The following SHROOM3 variants were observed in gnomAD, a reference collection of about 807,000 sequenced individuals.
SHROOM3 encodes the protein shroom family member 3.
A neutral mutation model predicts 138.6 loss-of-function variants in SHROOM3; 47 were observed. That is an observed-to-expected ratio of 0.34 (90% CI 0.27 to 0.43). The LOEUF (loss-of-function observed/expected upper bound fraction) is 0.43, where lower values mean the gene tolerates loss of function less well. Ranked by LOEUF, SHROOM3 falls within the 20% of genes least tolerant of loss-of-function variation. The pLI is 1.00. For missense variants in SHROOM3, 2,491 were observed against 2,596.5 expected (o/e 0.96, Z 0.88); for synonymous variants, 1,062 against 1,063.3 (o/e 1.00, Z 0.02).
In SHROOM3 at chr4:76,575,782, G is replaced by A. The variant is rs57799361; in HGVS notation, c.323+20019G>A. Among the ~76,000 whole-genome samples the A allele has an allele frequency of 4.2e-3, 638 of 152,182 alleles. 9 individuals are homozygous for A. The highest frequency in any genetic ancestry group is 0.015 in the African/African-American group (608 of 41,544). On this transcript the variant is annotated intron_variant, in intron 2 of 10. Transcript: ENST00000296043. ...ATATAATACACTGATGAAAGGAGTT[G>A]AAGAAGATACAAAAAATGGAAAGAT...
chr4:76,603,279 G>A (rs1164304186), intron 2 of SHROOM3, among the ~76,000 whole-genome samples: 2 of 152,114 alleles, frequency 1.3e-5, no homozygotes, highest in Non-Finnish European at 2.9e-5. Context: ...TTAGCTGGGT[G>A]TGGTCGCACG....
rs61741133 is a variant in SHROOM3, at chr4:76,756,863, C to T, written c.5124C>T (p.Asn1708=). The change falls in exon 8 of 11, where the codon AAC becomes AAT. Residue 1708 remains asparagine, a synonymous_variant. Coordinates refer to ENST00000296043, the MANE Select transcript of SHROOM3 (RefSeq NM_020859.4). ...AAGGTTTGTTTCCCCGAGATGTGAA[C>T]TTGCTGAAGGAAAACAGTGTAAAGA... The part of the protein sequence containing the change: ...LMEGLFPRDV[N]LLKENSVKRK... 660 of 1,614,116 alleles carry T rather than the reference C, an allele frequency of 4.1e-4. 2 individuals are homozygous for T. The African/African-American group carries it at 8.3e-3, about 20-fold the overall frequency.
chr4:76,512,363 C>CT (rs887989821), intron 1 of SHROOM3, among the ~76,000 whole-genome samples: 23 of 151,128 alleles, frequency 1.5e-4, no homozygotes, highest in East Asian at 3.9e-4. Flanking sequence ...TAAACAGAGC[C>CT]TTTTTTTTTC....
chr4:76,627,504 A>T (rs559330790), intron 2 of SHROOM3, among the ~76,000 whole-genome samples: 3 of 152,162 alleles, frequency 2.0e-5, no homozygotes, highest in African/African-American at 7.2e-5. Context: ...TATATTCTGT[A>T]CATGATGGTG....
intron 4 of SHROOM3, among the ~76,000 whole-genome samples, chr4:76,732,319 G>C (rs1034972615): frequency 6.6e-6 from 1 of 152,196 alleles, no homozygotes; most frequent in African/African-American, 2.4e-5. Flanking sequence ...TTAATGAACA[G>C]ATGGTAGCTA....
chr4:76,765,510 C>T (rs1007901286), intron 9 of SHROOM3, among the ~76,000 whole-genome samples: 3 of 152,034 alleles, frequency 2.0e-5, no homozygotes, highest in Non-Finnish European at 2.9e-5. Context: ...GGCTTTATCT[C>T]GTCCTAGTTT....
chr4:76,479,526 G>A lies in SHROOM3; in HGVS notation c.168+43306G>A, dbSNP rs574319320. On this transcript the variant is annotated intron_variant, in intron 1 of 10. Coordinates refer to ENST00000296043, the MANE Select transcript of SHROOM3 (RefSeq NM_020859.4). ...TTTGATTGGTGTACCTGAAAGTGAC[G>A]AGGAGATGGAATCAAGTTGGAAAAC... Among the ~76,000 whole-genome samples, 20 of 152,198 alleles carry A rather than the reference G, an allele frequency of 1.3e-4. No homozygotes were observed. In the East Asian group the frequency reaches 3.7e-3, roughly 28 times the overall value.
chr4:76,595,167 T>C (rs4367198), intron 2 of SHROOM3, among the ~76,000 whole-genome samples: 44,648 of 152,146 alleles, frequency 0.29, 6,713 homozygotes, highest in East Asian at 0.43. Flanking sequence ...AGATAATACA[T>C]ATAAAGCACT....
At chr4:76,547,043 G>A (rs11932470) in intron 1 of SHROOM3, among the ~76,000 whole-genome samples, 49,231 of 152,090 alleles carry the variant, frequency 0.32, 9,417 homozygotes, top group Middle Eastern at 0.45. Context: ...CCGGCAGTGC[G>A]TGCCAGCTCT....
intron 1 of SHROOM3, among the ~76,000 whole-genome samples, chr4:76,524,323 G>C (rs1732635036): frequency 6.6e-6 from 1 of 152,326 alleles, no homozygotes; most frequent in South Asian, 2.1e-4. Flanking sequence ...CAGGGGACTG[G>C]AGAGAGGGGA....
intron 1 of SHROOM3, among the ~76,000 whole-genome samples, chr4:76,440,151 A>G (rs1052198562): frequency 2.6e-5 from 4 of 152,224 alleles, no homozygotes; most frequent in Admixed American, 2.0e-4. Context: ...AACTGCCGGT[A>G]CTTATTTAGT....
chr4:76,618,281 G>T (rs754596092), intron 2 of SHROOM3, among the ~76,000 whole-genome samples: 1 of 152,174 alleles, frequency 6.6e-6, no homozygotes, highest in Non-Finnish European at 1.5e-5. Flanking sequence ...CTCCAGCCTG[G>T]ATGACAGAGG....
chr4:76,636,775 T>A (rs191869747), intron 2 of SHROOM3, among the ~76,000 whole-genome samples: 12 of 152,326 alleles, frequency 7.9e-5, no homozygotes, highest in Admixed American at 7.8e-4. Context: ...TGGGATGACA[T>A]CCTGGCTAGG....
At chr4:76,609,102 C>A (rs992092131) in intron 2 of SHROOM3, among the ~76,000 whole-genome samples, 1 of 152,184 alleles carries the variant, frequency 6.6e-6, no homozygotes, top group African/African-American at 2.4e-5. Context: ...ATACAATTAA[C>A]AAGAACACTT....
intron 3 of SHROOM3, among the ~76,000 whole-genome samples, chr4:76,713,736 G>A (rs150700513): frequency 5.7e-4 from 87 of 152,316 alleles, no homozygotes; most frequent in African/African-American, 1.9e-3. Context: ...TCAAAACCAC[G>A]TGAGTGATGG....
At chr4:76,615,519 A>C (rs1000792967) in intron 2 of SHROOM3, among the ~76,000 whole-genome samples, 6 of 152,198 alleles carry the variant, frequency 3.9e-5, no homozygotes, top group Non-Finnish European at 5.9e-5. Context: ...AGAAGTTGAA[A>C]GTAAATTATC....
intron 1 of SHROOM3, among the ~76,000 whole-genome samples, chr4:76,519,601 C>A (rs1159211800): frequency 6.6e-6 from 1 of 152,082 alleles, no homozygotes; most frequent in Non-Finnish European, 1.5e-5. Flanking sequence ...AGTAGAGGGC[C>A]GTTCCAGTGC....
At chr4:76,529,260 C>G (rs1488278067) in intron 1 of SHROOM3, among the ~76,000 whole-genome samples, 1 of 152,090 alleles carries the variant, frequency 6.6e-6, no homozygotes, top group African/African-American at 2.4e-5. Flanking sequence ...GCCATTGCTA[C>G]TCTACTGTAG....
At chr4:76,771,962 C>T (rs1332869740) in intron 10 of SHROOM3, among the ~76,000 whole-genome samples, 1 of 152,122 alleles carries the variant, frequency 6.6e-6, no homozygotes, top group Non-Finnish European at 1.5e-5. Flanking sequence ...TACTGAACAA[C>T]AAACAGTAGA....
Sources: allele counts gnomAD v4.1 joint callset (sites outside exome capture counted in the v4.1 genomes callset), GRCh38; gene constraint gnomAD v4.1.1; transcripts MANE v1.5; gene names NCBI Gene and HGNC (gene_info 2026-07-23, HGNC 2026-07-21).